Variants in MKNK2 observed in about 807,000 individuals in gnomAD.
The protein encoded by MKNK2 is MAPK interacting serine/threonine kinase 2.
Under a neutral mutation model 55.0 loss-of-function variants are expected in MKNK2, and 54 were observed. The ratio of observed to expected loss-of-function variants is 0.98; its 90% CI spans 0.79 to 1.23. The LOEUF (loss-of-function observed/expected upper bound fraction) is 1.23. MKNK2 is among the 50% of genes most tolerant of loss of function. The pLI, the probability that MKNK2 is intolerant of heterozygous loss-of-function variation, is 0.00. For synonymous variants in MKNK2, 323 were observed against 256.0 expected (o/e 1.26, Z -2.50); for missense variants, 685 against 632.1 (o/e 1.08, Z -0.90).
rs758295938 is a variant in MKNK2, at chr19:2,039,601, G to A, written c.*12C>T. 3.1e-6 allele frequency: 5 copies of A among 1,606,770 alleles called. No homozygotes were observed. The highest frequency in any genetic ancestry group is 2.7e-5 in the African/African-American group (2 of 74,848). On this transcript the variant is annotated 3_prime_UTR_variant, in exon 14 of 14. Transcript: ENST00000250896. ...GGACGGGTGACCTATGTACAGAGGG[G>A]AGATGGGAGGGTCAGGCGTGGTCTC...
chr19:2,046,335 C>G, intron 4 of MKNK2, 32 bp downstream of exon 4: 1 of 1,604,244 alleles, frequency 6.2e-7, no homozygotes, highest in East Asian at 2.2e-5. Context: ...TCCCCGCTCC[C>G]GGCTCCCCCA....
intron 13 of MKNK2, 47 bp from the exon 14 acceptor site, chr19:2,039,903 G>A: frequency 6.4e-7 from 1 of 1,553,312 alleles, no homozygotes; most frequent in East Asian, 2.3e-5. Flanking sequence ...GCACCCCTCA[G>A]GGGACCCCTG....
chr19:2,047,594 G>A (rs1326974294), intron 2 of MKNK2, among the ~76,000 whole-genome samples: 3 of 152,076 alleles, frequency 2.0e-5, no homozygotes, highest in Non-Finnish European at 4.4e-5. Context: ...TGGGAAGGAG[G>A]TGAGTCACTA....
chr19:2,041,826 G>C lies in MKNK2; in HGVS notation c.945+14C>G, dbSNP rs2016890576. The C allele has an allele frequency of 6.7e-7, 1 of 1,501,294 alleles. No homozygotes were observed. Among genetic ancestry groups the C allele is most frequent in the South Asian group, 1.3e-5 (1 of 77,582 alleles). The allele number at this position is 1,501,294 out of a possible 1,614,324, so 93.0% of individuals were successfully genotyped here. A position where few individuals can be genotyped will look rare whatever the true frequency, so the allele number is the denominator to read the frequency against. ...GAGGGTGCCCAGGAGAGGAGGGTGC[G>C]CGGGCCGCCGCACCTGGCAGGCAGG... On this transcript the variant is annotated intron_variant, in intron 11 of 13. Coordinates refer to ENST00000250896, the MANE Select transcript of MKNK2 (RefSeq NM_199054.3).
rs1471790677 is a variant in MKNK2, at chr19:2,041,908, G to C, written c.877C>G (p.Pro293Ala). 1.9e-6 allele frequency: 3 copies of C among 1,546,656 alleles called. No individual in the cohort carries two copies. Among genetic ancestry groups the C allele is most frequent in the Non-Finnish European group, 2.6e-6 (3 of 1,145,122 alleles). Reference sequence around the variant, plus strand: ...CTGCCACAGCGGCCCACGAAGGGCGGGTAGCCGCTGAGTAGGATATACAAG... The same window carrying C: ...CTGCCACAGCGGCCCACGAAGGGCGCGTAGCCGCTGAGTAGGATATACAAG... ...VILYILLSGY[P>A]PFVGRCGSDC... The change falls in exon 11 of 14, where the codon CCG becomes GCG. Residue 293 changes from proline to alanine, a missense_variant. By Grantham distance (27) the Pro-to-Ala change is conservative. Coordinates refer to ENST00000250896, the MANE Select transcript of MKNK2 (RefSeq NM_199054.3).
intron 5 of MKNK2, among the ~76,000 whole-genome samples, chr19:2,045,174 C>T (rs998106400): frequency 6.6e-6 from 1 of 152,136 alleles, no homozygotes; most frequent in Non-Finnish European, 1.5e-5. Context: ...ACTGACCACA[C>T]CAGGTCAATG....
In MKNK2 at chr19:2,050,842, T is replaced by A; in HGVS notation, c.10A>T (p.Lys4Ter). 1 of 1,533,078 alleles carries A rather than the reference T, an allele frequency of 6.5e-7. No individual in the cohort carries two copies. Among genetic ancestry groups the A allele is most frequent in the Non-Finnish European group, 8.8e-7 (1 of 1,140,012 alleles). 95.0% of individuals were successfully genotyped at this position (1,533,078 alleles called of 1,614,324 possible). A position where few individuals can be genotyped will look rare whatever the true frequency, so the allele number is the denominator to read the frequency against. ...AAACCCTGAAGTTCGGCTGGTTTCT[T>A]CTGCACCATCTTCTGTCCGGGCCCC... is the stretch of plus-strand genomic sequence containing the variant. The part of the protein sequence containing the change: MVQ[K>*]KPAELQGFHR... Residue 4 changes from lysine to a stop codon, truncating the protein, a stop_gained, in exon 2 of 14, where the codon AAG becomes TAG. Coordinates refer to ENST00000250896, the MANE Select transcript of MKNK2 (RefSeq NM_199054.3). LOFTEE classifies it high-confidence loss of function.
Position 2,041,933 on chromosome 19 carries a change from G to A in MKNK2, c.852C>T (p.Ile284=), listed in dbSNP as rs1156231650. The stretch of plus-strand genomic sequence containing the variant: ...GGTAGCCGCTGAGTAGGATATACAA[G>A]ATGACGCCCAGGCTCCACAGGTCGC... The part of the protein sequence containing the change: ...KRCDLWSLGV[I]LYILLSGYPP... The change falls in exon 11 of 14, where the codon ATC becomes ATT. Residue 284 remains isoleucine, a synonymous_variant. Transcript: ENST00000250896. 4.5e-6 allele frequency: 7 copies of A among 1,553,094 alleles called. No individual in the cohort carries two copies. The highest frequency in any genetic ancestry group is 1.7e-4 in the Middle Eastern group (1 of 5,914).
chr19:2,050,776 C>T (rs1368168150), intron 2 of MKNK2, 25 bp downstream of exon 2: 1 of 1,533,112 alleles, frequency 6.5e-7, no homozygotes, highest in Admixed American at 2.0e-5. Context: ...GCCCGGAGCG[C>T]CCCCAAACCG....
chr19:2,043,975 CAAAAAAAAAAAAA>C (rs34533507), intron 5 of MKNK2, among the ~76,000 whole-genome samples: 14 of 23,828 alleles, frequency 5.9e-4, no homozygotes, highest in African/African-American at 1.6e-3. Flanking sequence ...GACTTCGCCT[CAAAAAAAAAAAAA>C]AAAAAAAAAA....
In MKNK2 at chr19:2,038,015, G is replaced by A; in HGVS notation, c.*1598C>T. On this transcript the variant is annotated 3_prime_UTR_variant, in exon 14 of 14. Coordinates refer to ENST00000250896, the MANE Select transcript of MKNK2 (RefSeq NM_199054.3). ...AGGCGAGAAGTGATGGGGGAAAGGG[G>A]TGGGCGGAATGCCCCACCCCCCCCA... 2 of 1,341,532 alleles carry A rather than the reference G, an allele frequency of 1.5e-6. No homozygotes were observed. The highest frequency in any genetic ancestry group is 3.6e-5 in the South Asian group (2 of 55,668). The allele number at this position is 1,341,532 out of a possible 1,614,324, so 83.1% of individuals were successfully genotyped here.
intron 5 of MKNK2, among the ~76,000 whole-genome samples, chr19:2,044,380 G>C (rs1212857783): frequency 6.6e-6 from 1 of 152,208 alleles, no homozygotes; most frequent in South Asian, 2.1e-4. Flanking sequence ...CAGCCTCCCT[G>C]AGCCCCAGAG....
chr19:2,043,212 G>C lies in MKNK2; in HGVS notation c.420-15C>G. 2.5e-6 allele frequency: 4 copies of C among 1,594,168 alleles called. No homozygotes were observed. The highest frequency in any genetic ancestry group is 3.4e-6 in the Non-Finnish European group (4 of 1,162,570). On this transcript the variant is annotated splice_polypyrimidine_tract_variant and intron_variant, in intron 6 of 13. Transcript: ENST00000250896. ...CTAGGACGTTCCTGGGGTGGGGGTG[G>C]GGGCAGGAGAGGAGCTGAGGCTTCC...
chr19:2,040,583 A>G (rs1454061842), intron 12 of MKNK2: 2 of 263,624 alleles, frequency 7.6e-6, no homozygotes, highest in Non-Finnish European at 1.5e-5. Flanking sequence ...CCCAGCTTCT[A>G]TTTTTAGTAA....
rs143123558 is a variant in MKNK2, at chr19:2,041,094, G to A, written c.1056C>T (p.Asp352=). 30 of 1,614,032 alleles carry A rather than the reference G, an allele frequency of 1.9e-5. No homozygotes were observed. The African/African-American group carries it at 2.3e-4, about 12-fold the overall frequency. ...KDLISKLLVR[D]AKQRLSAAQV... ...GGGCGGCACTCAGCCTCTGCTTGGC[G>A]TCACGGACCAGCAGCTTGGAGATGA... Residue 352 remains aspartate (D), a synonymous_variant, in exon 12 of 14, where the codon GAC becomes GAT. Coordinates refer to ENST00000250896, the MANE Select transcript of MKNK2 (RefSeq NM_199054.3).
At position 2,042,880 on chromosome 19, in the gene MKNK2, G is replaced by A. The variant is rs778809333; in HGVS notation, c.494-10C>T. On this transcript the variant is annotated splice_polypyrimidine_tract_variant and intron_variant, in intron 7 of 13. Transcript: ENST00000250896. ...TGGCTCAGGATGGAGCCTGGGCAGG[G>A]CAGGGCAGGGCAGGACAGGGGGAAC... 26 of 1,555,130 alleles carry A rather than the reference G, an allele frequency of 1.7e-5. No individual in the cohort carries two copies. Among genetic ancestry groups the A allele is most frequent in the Non-Finnish European group, 2.1e-5 (24 of 1,149,382 alleles).
Position 2,037,914 on chromosome 19 carries a change from G to T in MKNK2, c.*1699C>A. 2 of 1,408,674 alleles carry T rather than the reference G, an allele frequency of 1.4e-6. No homozygotes were observed. Among genetic ancestry groups the T allele is most frequent in the East Asian group, 2.5e-5 (1 of 39,716 alleles). 87.3% of individuals were successfully genotyped at this position (1,408,674 alleles called of 1,614,324 possible). Reference sequence around the variant, plus strand: ...CCCGATGGCTATGGGCGCCTGCAGCGGGCGGGGGTCCATTTGCTTGTTCTT... The same window carrying T: ...CCCGATGGCTATGGGCGCCTGCAGCTGGCGGGGGTCCATTTGCTTGTTCTT... On this transcript the variant is annotated 3_prime_UTR_variant, in exon 14 of 14. Coordinates refer to ENST00000250896, the MANE Select transcript of MKNK2 (RefSeq NM_199054.3).
In MKNK2 at chr19:2,038,417, C is replaced by A; in HGVS notation, c.*1196G>T. 1 of 985,534 alleles carries A rather than the reference C, an allele frequency of 1.0e-6. No homozygotes were observed. The highest frequency in any genetic ancestry group is 1.2e-6 in the Non-Finnish European group (1 of 829,882). 61.0% of individuals were successfully genotyped at this position (985,534 alleles called of 1,614,324 possible). Reference sequence around the variant, plus strand: ...AAGTGGAACCCTGTATTGCATAGAACGTCCCCACCCGCGGGGAGGGGGCAG... The same window carrying A: ...AAGTGGAACCCTGTATTGCATAGAAAGTCCCCACCCGCGGGGAGGGGGCAG... On this transcript the variant is annotated 3_prime_UTR_variant, in exon 14 of 14. Coordinates refer to ENST00000250896, the MANE Select transcript of MKNK2 (RefSeq NM_199054.3).
At chr19:2,043,625 C>T in intron 5 of MKNK2, 43 bp from the exon 6 acceptor site, 1 of 1,579,748 alleles carries the variant, frequency 6.3e-7, no homozygotes, top group Non-Finnish European at 8.7e-7. Flanking sequence ...TGGTGGGACG[C>T]TCATAGTCGA....
Sources: gnomAD v4.1 joint callset for allele counts (sites outside exome capture counted in the v4.1 genomes callset) on GRCh38, gnomAD v4.1.1 for gene constraint, MANE v1.5 for transcripts, NCBI Gene and HGNC (gene_info 2026-07-23, HGNC 2026-07-21) for gene names.